Variants in KALRN observed in about 807,000 individuals in gnomAD.
KALRN encodes the protein kalirin RhoGEF kinase, also known as kalirin.
A neutral mutation model predicts 353.7 loss-of-function variants in KALRN; 70 were observed. That is an observed-to-expected ratio of 0.20 (90% CI 0.16 to 0.24). The LOEUF is 0.24. Among genes scored for constraint, KALRN ranks in the 10% least tolerant of loss-of-function variants. The pLI is 1.00. For missense variants in KALRN, 2,791 were observed against 3,756.7 expected, an observed-to-expected ratio of 0.74 and a Z score of 6.72; for synonymous variants, 1,391 against 1,434.8, an observed-to-expected ratio of 0.97 and a Z score of 0.69.
intron 9 of KALRN, among the ~76,000 whole-genome samples, chr3:124,335,359 G>T (rs1256470607): frequency 6.6e-6 from 1 of 152,124 alleles, no homozygotes; most frequent in East Asian, 1.9e-4. Flanking sequence ...ACTTTATGTA[G>T]TTTCTTTTTT....
intron 10 of KALRN, among the ~76,000 whole-genome samples, chr3:124,366,631 G>T (rs1186061684): frequency 6.6e-6 from 1 of 151,660 alleles, no homozygotes; most frequent in Non-Finnish European, 1.5e-5. Flanking sequence ...GCAACCATCC[G>T]ATTTCTCAAT....
chr3:124,583,453 A>G (rs750560041), intron 34 of KALRN, among the ~76,000 whole-genome samples: 1 of 152,198 alleles, frequency 6.6e-6, no homozygotes, highest in Non-Finnish European at 1.5e-5. Context: ...AAAAAGATTT[A>G]AAAGATAGGG....
rs540258769 is a variant in KALRN at position 124,399,294 on chromosome 3, A to G, written c.2346+423A>G. On this transcript the variant is annotated intron_variant, in intron 13 of 59. Transcript: ENST00000682506. ...GCTGGGATTACAGGCATGCGCCACCACACCTGGCTAATTTTGTATTTTTAG... is the reference window on the plus strand; with the variant it reads ...GCTGGGATTACAGGCATGCGCCACCGCACCTGGCTAATTTTGTATTTTTAG... Among the ~76,000 whole-genome samples, 11 of 152,044 alleles carry G rather than the reference A, an allele frequency of 7.2e-5. No homozygotes were observed. The East Asian group carries it at 2.1e-3, about 29-fold the overall frequency.
At chr3:124,242,357 C>T (rs970936451) in intron 3 of KALRN, among the ~76,000 whole-genome samples, 3 of 152,158 alleles carry the variant, frequency 2.0e-5, no homozygotes, top group Admixed American at 1.3e-4. Flanking sequence ...GAAACTGAGA[C>T]GTAGAGAGAT....
At chr3:124,186,340 C>T (rs2074229844) in intron 1 of KALRN, among the ~76,000 whole-genome samples, 2 of 152,148 alleles carry the variant, frequency 1.3e-5, no homozygotes, top group Non-Finnish European at 2.9e-5. Context: ...AGTCCTGGTT[C>T]TGTTATTTCC....
chr3:124,406,484 C>T (rs1461890918), intron 13 of KALRN, among the ~76,000 whole-genome samples: 1 of 152,208 alleles, frequency 6.6e-6, no homozygotes, highest in Non-Finnish European at 1.5e-5. Context: ...TCCCTATCAG[C>T]CAGCATTTGT....
chr3:124,445,117 T>C (rs2093795172), intron 19 of KALRN, among the ~76,000 whole-genome samples: 1 of 152,184 alleles, frequency 6.6e-6, no homozygotes, highest in African/African-American at 2.4e-5. Context: ...CTTTCCTATC[T>C]GAACAACCCT....
intron 34 of KALRN, among the ~76,000 whole-genome samples, chr3:124,599,643 C>T (rs1442384717): frequency 6.6e-6 from 1 of 152,294 alleles, no homozygotes; most frequent in Admixed American, 6.5e-5. Context: ...ACATTTGGGA[C>T]GTTGTACTCA....
intron 51 of KALRN, among the ~76,000 whole-genome samples, chr3:124,687,316 T>G (rs1272789218): frequency 6.6e-6 from 1 of 152,164 alleles, no homozygotes; most frequent in Non-Finnish European, 1.5e-5. Context: ...ACTCCACCAC[T>G]GCATCCTCCT....
intron 1 of KALRN, among the ~76,000 whole-genome samples, chr3:124,074,998 A>C (rs1183673514): frequency 6.6e-6 from 1 of 152,216 alleles, no homozygotes; most frequent in Non-Finnish European, 1.5e-5. Context: ...ACTCTCTGAA[A>C]AACTATTACA....
At chr3:124,399,667 T>A (rs1469118675) in intron 13 of KALRN, among the ~76,000 whole-genome samples, 49 of 152,206 alleles carry the variant, frequency 3.2e-4, no homozygotes, top group Admixed American at 3.2e-3. Flanking sequence ...GGAACCTGTA[T>A]CCGCAGTTTG....
intron 1 of KALRN, among the ~76,000 whole-genome samples, chr3:124,220,001 G>A (rs1481581686): frequency 6.6e-6 from 1 of 151,868 alleles, no homozygotes; most frequent in Non-Finnish European, 1.5e-5. Context: ...CCGGAGTGCA[G>A]TGGCGTGATC....
intron 1 of KALRN, among the ~76,000 whole-genome samples, chr3:124,076,020 G>A (rs1321214473): frequency 6.6e-6 from 1 of 152,082 alleles, no homozygotes; most frequent in African/African-American, 2.4e-5. Flanking sequence ...CCTTCCACAC[G>A]CCATCTCGCT....
At chr3:124,199,958 C>T (rs2075807091) in intron 1 of KALRN, among the ~76,000 whole-genome samples, 1 of 152,184 alleles carries the variant, frequency 6.6e-6, no homozygotes, top group African/African-American at 2.4e-5. Flanking sequence ...GTAAGAGGTT[C>T]CTGAAAAGGT....
chr3:124,204,532 G>A (rs926246212), intron 1 of KALRN, among the ~76,000 whole-genome samples: 3 of 152,166 alleles, frequency 2.0e-5, no homozygotes, highest in Non-Finnish European at 4.4e-5. Context: ...CCAGATATTG[G>A]ATTGGTGCAT....
At chr3:124,306,030 T>C (rs1043907134) in intron 6 of KALRN, among the ~76,000 whole-genome samples, 2 of 152,300 alleles carry the variant, frequency 1.3e-5, no homozygotes, top group Middle Eastern at 3.4e-3. Context: ...GAAAGCATAA[T>C]TACAATGTCC....
At chr3:124,370,730 G>A (rs952419734) in intron 10 of KALRN, among the ~76,000 whole-genome samples, 1 of 152,166 alleles carries the variant, frequency 6.6e-6, no homozygotes, top group African/African-American at 2.4e-5. Flanking sequence ...CTCTACTCTT[G>A]TCTGCACCTG....
rs975032155 is a variant in KALRN at position 124,655,288 on chromosome 3, A to G, written c.5796-313A>G. On this transcript the variant is annotated intron_variant, in intron 38 of 59. Coordinates refer to ENST00000682506, the MANE Select transcript of KALRN (RefSeq NM_001388419.1). ...TTGTCAATCTTTCTGCCCTCTGTCT[A>G]TACAATCGTTCAGTTGTAGGTGAGG... Among the ~76,000 whole-genome samples, 5 of 152,202 alleles carry G rather than the reference A, an allele frequency of 3.3e-5. No homozygotes were observed. The East Asian group carries it at 9.6e-4, about 29-fold the overall frequency.
intron 37 of KALRN, among the ~76,000 whole-genome samples, chr3:124,639,873 G>C (rs535444319): frequency 6.6e-6 from 1 of 152,166 alleles, no homozygotes; most frequent in Non-Finnish European, 1.5e-5. Context: ...AAAGGAAAGA[G>C]GAAGCCGTGG....
Sources: gnomAD v4.1 joint callset for allele counts (sites outside exome capture counted in the v4.1 genomes callset) on GRCh38, gnomAD v4.1.1 for gene constraint, MANE v1.5 for transcripts, NCBI Gene and HGNC (gene_info 2026-07-23, HGNC 2026-07-21) for gene names.